The following PLEKHM1 variants were observed in gnomAD, a reference collection of about 807,000 sequenced individuals.
PLEKHM1 encodes the protein pleckstrin homology domain-containing family M member 1.
A neutral mutation model predicts 94.3 loss-of-function variants in PLEKHM1; 28 were observed. The observed-to-expected ratio is 0.30, with a 90% CI of 0.22 to 0.41. The LOEUF is 0.41. PLEKHM1 is among the 10% of genes least tolerant of loss of function. The pLI is 1.00. For missense variants in PLEKHM1, 907 were observed against 1,358.6 expected (o/e 0.67, Z 5.22); for synonymous variants, 424 against 581.2 (o/e 0.73, Z 3.89).
At position 45,454,166 on chromosome 17, in the gene PLEKHM1, G is replaced by A; in HGVS notation, c.1686C>T (p.Phe562=). ...ELFCELSPLE[F]RLYLSNEEHT... The stretch of plus-strand genomic sequence containing the variant: ...GCTCCTCGTTGCTCAGGTAGAGGCG[G>A]AACTCCAGCGGGGAGAGCTCGCAGA... The change falls in exon 7 of 12, where the codon TTC becomes TTT. Residue 562 remains phenylalanine (F), a synonymous_variant. Coordinates refer to ENST00000430334, the MANE Select transcript of PLEKHM1 (RefSeq NM_014798.3). 1 of 1,613,968 alleles carries A rather than the reference G, an allele frequency of 6.2e-7. No homozygotes were observed. Among genetic ancestry groups the A allele is most frequent in the Non-Finnish European group, 8.5e-7 (1 of 1,179,994 alleles).
Position 45,454,041 on chromosome 17 carries a change from G to T in PLEKHM1, c.1811C>A (p.Ala604Asp). ...TTCGTCCTGGGAGGAGGCGCGCAGG[G>T]CCAGCTTCTTGCCAGAGAAGACCAG... ...FELVFSGKKL[A>D]LRASSQDEAE... The change falls in exon 7 of 12, where the codon GCC (alanine) becomes GAC (aspartate). Residue 604 changes from alanine to aspartate, a missense_variant. Physicochemically the swap from Ala to Asp is moderately radical, Grantham distance 126. Around this residue, in one of 3 missense-constraint regions of PLEKHM1, gnomAD observed 477 missense variants for 601.5 expected, o/e 0.79. Transcript: ENST00000430334. The T allele has an allele frequency of 1.2e-6, 2 of 1,614,162 alleles. No individual in the cohort carries two copies. Among genetic ancestry groups the T allele is most frequent in the African/African-American group, 1.3e-5 (1 of 75,066 alleles).
Position 45,436,035 on chromosome 17 carries a change from T to A in PLEKHM1, c.*1823A>T, listed in dbSNP as rs1219281401. ...CAGTGTATTGCATAAAATAACATTTTAAAAATAGTGTGGGCACTACCTTTC... is the reference window on the plus strand; with the variant it reads ...CAGTGTATTGCATAAAATAACATTTAAAAAATAGTGTGGGCACTACCTTTC... On this transcript the variant is annotated 3_prime_UTR_variant, in exon 12 of 12. Transcript: ENST00000430334. 1 of 456,550 alleles carries A rather than the reference T, an allele frequency of 2.2e-6. No homozygotes were observed. The highest frequency in any genetic ancestry group is 4.4e-6 in the Non-Finnish European group (1 of 226,984). The allele number at this position is 456,550 out of a possible 1,614,324, so 28.3% of individuals were successfully genotyped here. A position where few individuals can be genotyped will look rare whatever the true frequency, so the allele number is the denominator to read the frequency against.
intron 1 of PLEKHM1, among the ~76,000 whole-genome samples, chr17:45,483,190 A>G (rs1243336173): frequency 1.3e-5 from 2 of 152,030 alleles, no homozygotes; most frequent in African/African-American, 4.8e-5. Flanking sequence ...GCCACTAACC[A>G]GGTAGGCATG....
At chr17:45,470,343 C>T (rs141159112) in intron 4 of PLEKHM1, among the ~76,000 whole-genome samples, 5,361 of 152,204 alleles carry the variant, frequency 0.035, 35 homozygotes, top group African/African-American at 0.12. Flanking sequence ...GTGAGATCTA[C>T]AGCATAAGAA....
intron 5 of PLEKHM1, among the ~76,000 whole-genome samples, chr17:45,466,584 C>T (rs779794453): frequency 2.2e-4 from 34 of 152,182 alleles, no homozygotes; most frequent in Non-Finnish European, 4.3e-4. Context: ...AATTTAAGAC[C>T]GGAATGACAA....
At chr17:45,466,758 T>G (rs2051332919) in intron 5 of PLEKHM1, among the ~76,000 whole-genome samples, 1 of 152,274 alleles carries the variant, frequency 6.6e-6, no homozygotes, top group East Asian at 1.9e-4. Flanking sequence ...AAAGAGCAAC[T>G]AGAATGCTCA....
chr17:45,471,647 T>G (rs1204555262), intron 4 of PLEKHM1, among the ~76,000 whole-genome samples: 1 of 151,962 alleles, frequency 6.6e-6, no homozygotes. Flanking sequence ...TCCCAGCTAC[T>G]CGGGAGGCTG....
At chr17:45,438,080 G>T (rs903716430) in intron 11 of PLEKHM1, 111 bp from the exon 12 acceptor site, 1 of 792,720 alleles carries the variant, frequency 1.3e-6, no homozygotes, top group African/African-American at 1.7e-5. Context: ...GATGTACTGT[G>T]TAACCCATGC....
intron 3 of PLEKHM1, chr17:45,476,937 T>C (rs968870934): frequency 1.3e-5 from 2 of 152,084 alleles, no homozygotes; most frequent in Non-Finnish European, 2.9e-5. Context: ...CAGAGTGAGA[T>C]AAGGGGGACA....
At chr17:45,465,996 A>G (rs1024323204) in intron 5 of PLEKHM1, among the ~76,000 whole-genome samples, 19 of 152,060 alleles carry the variant, frequency 1.2e-4, no homozygotes, top group Non-Finnish European at 2.6e-4. Flanking sequence ...GGGGCTGCAG[A>G]GCTTTCCTCT....
intron 1 of PLEKHM1, among the ~76,000 whole-genome samples, chr17:45,489,129 A>G (rs1446221691): frequency 6.6e-6 from 1 of 152,144 alleles, no homozygotes; most frequent in Non-Finnish European, 1.5e-5. Context: ...CCCTGTGTTC[A>G]TGGAACCCAG....
intron 4 of PLEKHM1, among the ~76,000 whole-genome samples, chr17:45,470,443 A>C (rs1305796146): frequency 8.5e-5 from 13 of 152,298 alleles, no homozygotes; most frequent in Non-Finnish European, 1.8e-4. Flanking sequence ...AGCCTGGCCA[A>C]CATAGTGAAA....
chr17:45,474,405 C>T (rs915862575), intron 4 of PLEKHM1, among the ~76,000 whole-genome samples: 5 of 152,140 alleles, frequency 3.3e-5, no homozygotes, highest in Non-Finnish European at 7.3e-5. Context: ...GCCCAGTTCT[C>T]TCTTCAGCCT....
chr17:45,448,925 C>A (rs2050689813), intron 8 of PLEKHM1, among the ~76,000 whole-genome samples: 1 of 152,020 alleles, frequency 6.6e-6, no homozygotes, highest in Non-Finnish European at 1.5e-5. Context: ...CCTGTGTGAT[C>A]CCAACTTTAT....
chr17:45,489,183 G>C (rs2868658), intron 1 of PLEKHM1, among the ~76,000 whole-genome samples: 1 of 152,074 alleles, frequency 6.6e-6, no homozygotes, highest in South Asian at 2.1e-4. Flanking sequence ...AAAAGAAAGC[G>C]ATTCAAGAGC....
At chr17:45,467,969 C>G (rs555326547) in intron 5 of PLEKHM1, among the ~76,000 whole-genome samples, 43 of 152,222 alleles carry the variant, frequency 2.8e-4, no homozygotes, top group Middle Eastern at 3.4e-3. Context: ...GGGAAGTGAT[C>G]AGCACAGTGC....
chr17:45,455,871 TG>T (rs781613604), intron 6 of PLEKHM1, among the ~76,000 whole-genome samples: 4 of 152,156 alleles, frequency 2.6e-5, no homozygotes, highest in Non-Finnish European at 4.4e-5. Flanking sequence ...AACTCCACAG[TG>T]GCGGCCATCT....
chr17:45,468,209 C>T lies in PLEKHM1; in HGVS notation c.1308G>A (p.Pro436=), dbSNP rs553396779. 8.1e-6 allele frequency: 13 copies of T among 1,612,958 alleles called. No homozygotes were observed. Among genetic ancestry groups the T allele is most frequent in the South Asian group, 1.1e-5 (1 of 91,012 alleles). ...CCCCTGAACGGCTTGCACCACTCACCGGACTGGTGGGTGAGGAAACTACCA... is the reference window on the plus strand; with the variant it reads ...CCCCTGAACGGCTTGCACCACTCACTGGACTGGTGGGTGAGGAAACTACCA... ...LKLVVSSPTS[P]KNKSWISEDD... Residue 436 remains proline, a splice_region_variant and synonymous_variant, in exon 5 of 12, where the codon CCG becomes CCA. Transcript: ENST00000430334.
Position 45,453,122 on chromosome 17 carries a change from G to T in PLEKHM1, c.2497+233C>A, listed in dbSNP as rs866636218. 1 of 616,338 alleles carries T rather than the reference G, an allele frequency of 1.6e-6. No homozygotes were observed. Among genetic ancestry groups the T allele is most frequent in the Non-Finnish European group, 2.9e-6 (1 of 347,262 alleles). 38.2% of individuals were successfully genotyped at this position (616,338 alleles called of 1,614,324 possible). On this transcript the variant is annotated intron_variant, in intron 7 of 11. Transcript: ENST00000430334. This position sits in a 1 kb window ranked among gnomAD's most constrained non-coding sequence, Gnocchi z 4.1. ...CCAGCCTGCCGCCCATCAGTGGGAG[G>T]TGGCAGGAGAGGGACGGGTGAGCAG...
Sources: gnomAD v4.1 joint callset for allele counts (sites outside exome capture counted in the v4.1 genomes callset) on GRCh38, gnomAD v4.1.1 for gene constraint, gnomAD v4.1.1 regional missense constraint, Gnocchi (gnomAD v3.1) non-coding constraint, MANE v1.5 for transcripts, NCBI Gene and HGNC (gene_info 2026-07-23, HGNC 2026-07-21) for gene names.